Variants in DISP1 observed in about 807,000 individuals in gnomAD.
The protein encoded by DISP1 is dispatched RND transporter family member 1.
A neutral mutation model predicts 37.3 loss-of-function variants in DISP1; 30 were observed. The ratio of observed to expected loss-of-function variants is 0.80; its 90% CI spans 0.60 to 1.09. The LOEUF is 1.09. Ranked by LOEUF, DISP1 falls within the 50% of genes least tolerant of loss-of-function variation. The pLI, the probability that DISP1 is intolerant of heterozygous loss-of-function variation, is 0.00. For synonymous variants in DISP1, 634 were observed against 690.2 expected (o/e 0.92, Z 1.28); for missense variants, 1,598 against 1,879.5 (o/e 0.85, Z 2.77).
In DISP1 at chr1:222,942,949, C is replaced by G; in HGVS notation, c.126C>G (p.Pro42=). The G allele has an allele frequency of 1.2e-6, 2 of 1,614,144 alleles. No individual in the cohort carries two copies. Among genetic ancestry groups the G allele is most frequent in the Middle Eastern group, 1.6e-4 (1 of 6,062 alleles). Residue 42 remains proline, a synonymous_variant, in exon 3 of 9, where the codon CCC becomes CCG. Transcript: ENST00000675850. ...DGDHAAQQLT[P]KEATRTKVSP... ...ACCATGCAGCCCAGCAGCTCACACC[C>G]AAAGAAGCAACAAGAACAAAAGTGA...
intron 1 of DISP1, among the ~76,000 whole-genome samples, chr1:222,816,308 A>G (rs996746221): frequency 5.3e-5 from 8 of 152,118 alleles, no homozygotes; most frequent in African/African-American, 1.9e-4. Flanking sequence ...TTCCTAATCT[A>G]CATAATATAG....
At chr1:222,897,648 C>A (rs935682154) in intron 1 of DISP1, among the ~76,000 whole-genome samples, 3 of 152,076 alleles carry the variant, frequency 2.0e-5, no homozygotes, top group Non-Finnish European at 4.4e-5. Context: ...ATTCAATGAA[C>A]CTGTCATTAA....
chr1:222,923,110 A>C (rs1672898395), intron 1 of DISP1, among the ~76,000 whole-genome samples: 1 of 152,162 alleles, frequency 6.6e-6, no homozygotes, highest in Non-Finnish European at 1.5e-5. Context: ...TAGCAGGCCA[A>C]GGGAAGGAAT....
At chr1:222,952,911 G>C (rs1278764946) in intron 3 of DISP1, among the ~76,000 whole-genome samples, 1 of 152,144 alleles carries the variant, frequency 6.6e-6, no homozygotes, top group African/African-American at 2.4e-5. Context: ...AGCAAAAATT[G>C]TGTAACAAGT....
intron 1 of DISP1, among the ~76,000 whole-genome samples, chr1:222,925,736 T>C (rs1016349517): frequency 6.6e-6 from 1 of 152,108 alleles, no homozygotes; most frequent in Admixed American, 6.6e-5. Context: ...AGCAGCAGCA[T>C]CCTGAGGACT....
At chr1:222,857,376 A>G (rs1171187199) in intron 1 of DISP1, among the ~76,000 whole-genome samples, 2 of 152,224 alleles carry the variant, frequency 1.3e-5, no homozygotes, top group Non-Finnish European at 2.9e-5. Context: ...GGCACAAGAC[A>G]AGGATGCTAT....
intron 1 of DISP1, among the ~76,000 whole-genome samples, chr1:222,904,051 T>G (rs1408567602): frequency 6.6e-6 from 1 of 152,218 alleles, no homozygotes; most frequent in Non-Finnish European, 1.5e-5. Flanking sequence ...CAAATTCCTT[T>G]TATGGAAAAG....
In DISP1 at chr1:222,848,925, A is replaced by G. The variant is rs145650937; in HGVS notation, c.-159+33847A>G. On this transcript the variant is annotated intron_variant, in intron 1 of 8. Transcript: ENST00000675850. The stretch of plus-strand genomic sequence containing the variant: ...TTTCTATGCTGACTTCCCATGAACT[A>G]TGTCCCAAAGTGCTTGATTGTACCT... Among the ~76,000 whole-genome samples the G allele has an allele frequency of 2.6e-3, 398 of 152,268 alleles. 3 individuals are homozygous for G. The highest frequency in any genetic ancestry group is 8.7e-3 in the African/African-American group (360 of 41,556).
At chr1:222,909,298 T>C (rs1360448188) in intron 1 of DISP1, among the ~76,000 whole-genome samples, 1 of 152,242 alleles carries the variant, frequency 6.6e-6, no homozygotes. Context: ...AGCTCCCTGG[T>C]TGCCTTAAAA....
At chr1:222,980,410 AGTGTGTGT>A (rs3028495) in intron 3 of DISP1, among the ~76,000 whole-genome samples, 15 of 148,108 alleles carry the variant, frequency 1.0e-4, no homozygotes, top group South Asian at 2.2e-4. Flanking sequence ...GATGTAACAA[AGTGTGTGT>A]GTGTGTGTGT....
intron 2 of DISP1, among the ~76,000 whole-genome samples, chr1:222,942,235 T>G (rs1304660143): frequency 1.3e-5 from 2 of 152,214 alleles, no homozygotes; most frequent in Non-Finnish European, 2.9e-5. Flanking sequence ...CTAGAATTCT[T>G]AGCTTTCCTG....
chr1:222,903,872 T>C (rs2125409104), intron 1 of DISP1, among the ~76,000 whole-genome samples: 1 of 152,344 alleles, frequency 6.6e-6, no homozygotes, highest in East Asian at 1.9e-4. Flanking sequence ...TTCTGTGCAT[T>C]AGAAGGCTTA....
chr1:222,825,625 T>G (rs780471023), intron 1 of DISP1, among the ~76,000 whole-genome samples: 19 of 151,136 alleles, frequency 1.3e-4, no homozygotes, highest in Non-Finnish European at 2.4e-4. Flanking sequence ...CTCAGCCTCC[T>G]GAGTAGCTGG....
chr1:222,885,003 AT>A lies in DISP1; in HGVS notation c.-158-43423del, dbSNP rs1670504701. Among the ~76,000 whole-genome samples the A allele has an allele frequency of 3.3e-5, 5 of 152,008 alleles. No homozygotes were observed. The South Asian group carries it at 1.0e-3, about 32-fold the overall frequency. On this transcript the variant is annotated intron_variant, in intron 1 of 8. Coordinates refer to ENST00000675850, the MANE Select transcript of DISP1 (RefSeq NM_001377229.1). ...AGGCGCCCGCCACTACGCCCGGCTA[AT>A]TTTGTTTTTGTGTGTTTAGTAGAGA...
chr1:222,908,408 T>C (rs1489048200), intron 1 of DISP1, among the ~76,000 whole-genome samples: 1 of 152,002 alleles, frequency 6.6e-6, no homozygotes, highest in Non-Finnish European at 1.5e-5. Flanking sequence ...TCAAAGGCAG[T>C]TGGATGATTT....
At chr1:222,924,507 G>T (rs923355818) in intron 1 of DISP1, among the ~76,000 whole-genome samples, 4 of 152,146 alleles carry the variant, frequency 2.6e-5, no homozygotes, top group African/African-American at 4.8e-5. Flanking sequence ...ACTGGGCTAT[G>T]ACTTGGGCAG....
chr1:222,825,090 G>T (rs35756512), intron 1 of DISP1, among the ~76,000 whole-genome samples: 17,031 of 151,460 alleles, frequency 0.11, 1,262 homozygotes, highest in South Asian at 0.16. Flanking sequence ...GTGATGCTGA[G>T]GGTGGTTGCT....
intron 1 of DISP1, among the ~76,000 whole-genome samples, chr1:222,820,746 G>GT (rs1339282659): frequency 6.6e-6 from 1 of 152,040 alleles, no homozygotes; most frequent in Non-Finnish European, 1.5e-5. Context: ...AATACCTACC[G>GT]TACATAGTCA....
intron 8 of DISP1, among the ~76,000 whole-genome samples, chr1:222,996,002 C>G (rs1039898548): frequency 6.6e-6 from 1 of 152,140 alleles, no homozygotes; most frequent in African/African-American, 2.4e-5. Flanking sequence ...TAGTTGGTCC[C>G]AGACCTCCCA....
Sources: allele counts gnomAD v4.1 joint callset (sites outside exome capture counted in the v4.1 genomes callset), GRCh38; gene constraint gnomAD v4.1.1; transcripts MANE v1.5; gene names NCBI Gene and HGNC (gene_info 2026-07-23, HGNC 2026-07-21).